The following MBTD1 variants were observed in gnomAD, a reference collection of about 807,000 sequenced individuals.
MBTD1 encodes the protein mbt domain containing 1, also known as MBT domain-containing protein 1.
Under a neutral mutation model 87.8 loss-of-function variants are expected in MBTD1, and 24 were observed. The ratio of observed to expected loss-of-function variants is 0.27; its 90% CI spans 0.20 to 0.38. The LOEUF (loss-of-function observed/expected upper bound fraction) is 0.38. Ranked by LOEUF, MBTD1 falls within the 10% of genes least tolerant of loss-of-function variation. The probability of loss-of-function intolerance (pLI) is 1.00; values close to 1 mark genes in which losing one functional copy is unlikely to be tolerated. For synonymous variants in MBTD1, 237 were observed against 248.6 expected, an observed-to-expected ratio of 0.95 and a Z score of 0.44; for missense variants, 436 against 760.2, an observed-to-expected ratio of 0.57 and a Z score of 5.02.
intron 5 of MBTD1, among the ~76,000 whole-genome samples, chr17:51,217,658 G>C (rs137905309): frequency 0.012 from 1,878 of 152,228 alleles, 32 homozygotes; most frequent in African/African-American, 0.041. Flanking sequence ...ACCTAGGCTG[G>C]AGTGCAGTGG....
At chr17:51,216,279 A>G (rs1278748415) in intron 6 of MBTD1, among the ~76,000 whole-genome samples, 3 of 152,142 alleles carry the variant, frequency 2.0e-5, no homozygotes, top group Non-Finnish European at 4.4e-5. Context: ...AAGTTCATGT[A>G]TTTTCTAAAT....
chr17:51,187,447 T>C (rs1300349284), intron 16 of MBTD1, among the ~76,000 whole-genome samples: 1 of 150,880 alleles, frequency 6.6e-6, no homozygotes, highest in East Asian at 1.9e-4. Context: ...TAGTTTTCTA[T>C]ACAAATATAA....
chr17:51,232,869 C>T (rs1453388345), intron 2 of MBTD1, among the ~76,000 whole-genome samples: 1 of 151,254 alleles, frequency 6.6e-6, no homozygotes, highest in African/African-American at 2.4e-5. Context: ...GTGACACTGC[C>T]TCTACAAAAA....
chr17:51,226,820 TG>T (rs775665230), intron 2 of MBTD1, among the ~76,000 whole-genome samples: 22 of 151,802 alleles, frequency 1.4e-4, no homozygotes, highest in African/African-American at 2.2e-4. Flanking sequence ...TTAGTAGAGA[TG>T]GGGTTTTGCT....
rs562871497 is a variant in MBTD1 at position 51,220,848 on chromosome 17, AC to A, written c.155-386del. On this transcript the variant is annotated intron_variant, in intron 3 of 16. Transcript: ENST00000586178. ...CTTGAAAGATGAAAAGTGCCACACA[AC>A]TGAGGATTAATAACAAAGTATAACA... 1.3e-3 allele frequency among the ~76,000 whole-genome samples: 195 copies of A among 152,358 alleles called. 1 individual carries two copies. The highest frequency in any genetic ancestry group is 4.6e-3 in the African/African-American group (193 of 41,574).
At chr17:51,217,897 A>T (rs1158658097) in intron 5 of MBTD1, among the ~76,000 whole-genome samples, 2 of 152,138 alleles carry the variant, frequency 1.3e-5, no homozygotes, top group Non-Finnish European at 2.9e-5. Context: ...ACGCCTGGCC[A>T]GGAGTTTCTT....
At chr17:51,249,378 T>C (rs2054640901) in intron 2 of MBTD1, among the ~76,000 whole-genome samples, 1 of 152,228 alleles carries the variant, frequency 6.6e-6, no homozygotes, top group African/African-American at 2.4e-5. Context: ...CCCCTAATTT[T>C]AGTTTTTTAT....
chr17:51,197,118 G>A (rs1452947491), intron 12 of MBTD1, among the ~76,000 whole-genome samples: 1 of 89,032 alleles, frequency 1.1e-5, no homozygotes. Context: ...ATATATATAT[G>A]GAGGACGGAG....
At chr17:51,184,551 G>T (rs1235410862) in intron 16 of MBTD1, 1 of 152,138 alleles carries the variant, frequency 6.6e-6, no homozygotes, top group Non-Finnish European at 1.5e-5. Context: ...ATATACTATA[G>T]ACATCGGTGG....
At chr17:51,260,823 T>C (rs1598468750), upstream of MBTD1, 8 of 1,595,366 alleles carry the variant, frequency 5.0e-6, no homozygotes, top group Non-Finnish European at 6.8e-6. Context: ...CGCCTGAGGC[T>C]GGAGGAGGAC....
At position 51,259,182 on chromosome 17, in the gene MBTD1, A is replaced by C. The variant is rs1411525914; in HGVS notation, c.-88T>G. ...GCTGCAGAGGGGACGGCTGCTTTGG[A>C]TGACCTCTAATGTCTCTTCCGACTC... On this transcript the variant is annotated 5_prime_UTR_variant, in exon 2 of 17. Coordinates refer to ENST00000586178, the MANE Select transcript of MBTD1 (RefSeq NM_017643.3). 9.4e-7 allele frequency: 1 copy of C among 1,066,408 alleles called. No homozygotes were observed. The highest frequency in any genetic ancestry group is 1.2e-6 in the Non-Finnish European group (1 of 836,976). The allele number at this position is 1,066,408 out of a possible 1,614,324, so 66.1% of individuals were successfully genotyped here. A position where few individuals can be genotyped will look rare whatever the true frequency, so the allele number is the denominator to read the frequency against.
chr17:51,234,030 T>G (rs1460473839), intron 2 of MBTD1, among the ~76,000 whole-genome samples: 1 of 151,646 alleles, frequency 6.6e-6, no homozygotes, highest in Non-Finnish European at 1.5e-5. Context: ...ATAAAACTGA[T>G]AAACCTCAAA....
chr17:51,187,241 C>T (rs1266458009), intron 16 of MBTD1, among the ~76,000 whole-genome samples: 2 of 151,750 alleles, frequency 1.3e-5, no homozygotes, highest in East Asian at 1.9e-4. Flanking sequence ...CCAGCCTGGG[C>T]AACACAGTGA....
intron 3 of MBTD1, among the ~76,000 whole-genome samples, chr17:51,224,555 CCTTTTT>C (rs573154578): frequency 4.9e-4 from 74 of 152,188 alleles, no homozygotes; most frequent in Non-Finnish European, 6.8e-4. Flanking sequence ...TTTTTCATTT[CCTTTTT>C]CTTTTTCAAG....
intron 2 of MBTD1, 137 bp from the exon 3 acceptor site, chr17:51,225,346 T>C: frequency 2.3e-6 from 1 of 440,050 alleles, no homozygotes. Flanking sequence ...TCTTTCTTTT[T>C]TTTTTCTTTT....
intron 6 of MBTD1, among the ~76,000 whole-genome samples, chr17:51,216,242 AGTTAACAAAAT>A (rs1348027326): frequency 1.3e-5 from 2 of 152,102 alleles, no homozygotes; most frequent in Non-Finnish European, 2.9e-5. Flanking sequence ...TAGAGCCCTA[AGTTAACAAAAT>A]GTTAAATGCA....
At chr17:51,237,006 A>T (rs1266245020) in intron 2 of MBTD1, among the ~76,000 whole-genome samples, 1 of 152,148 alleles carries the variant, frequency 6.6e-6, no homozygotes, top group African/African-American at 2.4e-5. Flanking sequence ...CCATAAAGGA[A>T]AAAAAATTCG....
chr17:51,209,964 A>T (rs747531201), intron 6 of MBTD1, among the ~76,000 whole-genome samples: 2 of 152,136 alleles, frequency 1.3e-5, no homozygotes, highest in African/African-American at 2.4e-5. Context: ...AGAAAGTAGA[A>T]AAAGAAAAGA....
At chr17:51,201,466 T>C (rs1305394016) in intron 12 of MBTD1, 126 bp downstream of exon 12, 3 of 520,966 alleles carry the variant, frequency 5.8e-6, no homozygotes, top group Non-Finnish European at 1.0e-5. Context: ...CCTAGCAACC[T>C]TCTCCCCAGT....
Sources: gnomAD v4.1 joint callset for allele counts (sites outside exome capture counted in the v4.1 genomes callset) on GRCh38, gnomAD v4.1.1 for gene constraint, MANE v1.5 for transcripts, NCBI Gene and HGNC (gene_info 2026-07-23, HGNC 2026-07-21) for gene names.